Variants in GRAMD1A observed in about 807,000 individuals in gnomAD.
The protein encoded by GRAMD1A is protein Aster-A.
In GRAMD1A, 50 loss-of-function variants were observed where a neutral mutation model predicts 92.0. That is an observed-to-expected ratio of 0.54 (90% CI 0.43 to 0.69). The LOEUF (loss-of-function observed/expected upper bound fraction) is 0.69, where lower values mean the gene tolerates loss of function less well. GRAMD1A is among the 30% of genes least tolerant of loss of function. The probability of loss-of-function intolerance (pLI) is 0.00; values close to 1 mark genes in which losing one functional copy is unlikely to be tolerated. For missense variants in GRAMD1A, 819 were observed against 978.9 expected (o/e 0.84, Z 2.18); for synonymous variants, 405 against 403.6 (o/e 1.00, Z -0.04).
intron 10 of GRAMD1A, 143 bp downstream of exon 10, chr19:35,014,530 T>G: frequency 7.1e-6 from 5 of 708,516 alleles, no homozygotes; most frequent in Non-Finnish European, 7.4e-6. Flanking sequence ...TAGAAATCTC[T>G]GTCTTTACTC....
intron 3 of GRAMD1A, 25 bp from the exon 4 acceptor site, chr19:35,009,863 G>T: frequency 1.4e-6 from 2 of 1,446,664 alleles, no homozygotes; most frequent in Non-Finnish European, 1.9e-6. Flanking sequence ...CCCCATCCAG[G>T]TTCTCACCTC....
intron 11 of GRAMD1A, among the ~76,000 whole-genome samples, chr19:35,017,008 C>CA (rs2015686660): frequency 6.7e-6 from 1 of 149,310 alleles, no homozygotes; most frequent in African/African-American, 2.5e-5. Context: ...TCAGTCTTTA[C>CA]AAAAATAAAA....
At chr19:35,014,470 G>C in intron 10 of GRAMD1A, 83 bp downstream of exon 10, 1 of 1,191,514 alleles carries the variant, frequency 8.4e-7, no homozygotes, top group East Asian at 2.4e-5. Context: ...GGATTCGCCC[G>C]CAGCACTGAG....
At chr19:34,996,782 C>T (rs1332255156), upstream of GRAMD1A, among the ~76,000 whole-genome samples, 1 of 137,804 alleles carries the variant, frequency 7.3e-6, no homozygotes, top group African/African-American at 2.7e-5. Flanking sequence ...CCAGCCTGGG[C>T]GTCAGAGCAA....
At chr19:35,007,715 A>T (rs981807487) in intron 1 of GRAMD1A, among the ~76,000 whole-genome samples, 4 of 152,062 alleles carry the variant, frequency 2.6e-5, no homozygotes, top group Non-Finnish European at 5.9e-5. Flanking sequence ...AAAATTTTTT[A>T]AAAATAAAAA....
At chr19:35,019,933 G>A (rs181129462) in intron 13 of GRAMD1A, among the ~76,000 whole-genome samples, 4 of 152,330 alleles carry the variant, frequency 2.6e-5, no homozygotes, top group African/African-American at 4.8e-5. Context: ...TTTTACACCC[G>A]ACACGCTGGT....
chr19:35,026,174 G>C lies in GRAMD1A; in HGVS notation c.*33G>C, dbSNP rs1343344299. 2 of 1,067,226 alleles carry C rather than the reference G, an allele frequency of 1.9e-6. No individual in the cohort carries two copies. The highest frequency in any genetic ancestry group is 3.1e-5 in the African/African-American group (2 of 64,886). 66.1% of individuals were successfully genotyped at this position (1,067,226 alleles called of 1,614,324 possible). A position where few individuals can be genotyped will look rare whatever the true frequency, so the allele number is the denominator to read the frequency against. ...GGCCACGCAGCTGTTCCCCCACATG[G>C]ACAGATGGACACACAGAGCCTCGGC... On this transcript the variant is annotated 3_prime_UTR_variant, in exon 20 of 20. Coordinates refer to ENST00000317991, the MANE Select transcript of GRAMD1A (RefSeq NM_020895.5).
chr19:35,013,530 C>G lies in GRAMD1A; in HGVS notation c.720-11C>G. On this transcript the variant is annotated splice_polypyrimidine_tract_variant and intron_variant, in intron 8 of 19. Transcript: ENST00000317991. This position sits in a 1 kb window ranked among gnomAD's most constrained non-coding sequence, Gnocchi z 4.9. Reference sequence around the variant, plus strand: ...GGACACAGCAGTCCCGCTTCCTCCCCTTTCCCACAGGACCCCCAAGGAAGT... The same window carrying G: ...GGACACAGCAGTCCCGCTTCCTCCCGTTTCCCACAGGACCCCCAAGGAAGT... 1.3e-6 allele frequency: 2 copies of G among 1,595,470 alleles called. No individual in the cohort carries two copies. The highest frequency in any genetic ancestry group is 1.7e-6 in the Non-Finnish European group (2 of 1,168,020).
chr19:35,021,199 G>T lies in GRAMD1A; in HGVS notation c.1476-303G>T, dbSNP rs1280664449. ...GCAGCAGCCGAATGGAAGAGGTTCA[G>T]GGGCATGGTCTGGTTAAGACGTCAG... On this transcript the variant is annotated intron_variant, in intron 13 of 19. Transcript: ENST00000317991. The surrounding 1 kb of genome is among the most constrained non-coding windows in gnomAD (Gnocchi z 5.3). Among the ~76,000 whole-genome samples, 2 of 152,224 alleles carry T rather than the reference G, an allele frequency of 1.3e-5. No individual in the cohort carries two copies. The highest frequency in any genetic ancestry group is 2.4e-5 in the African/African-American group (1 of 41,446).
chr19:35,001,398 T>C (rs904817830), intron 1 of GRAMD1A, among the ~76,000 whole-genome samples: 30 of 152,146 alleles, frequency 2.0e-4, no homozygotes, highest in African/African-American at 5.8e-4. Flanking sequence ...TACATGTGTC[T>C]GGAGTTACCG....
At chr19:35,025,613 C>T (rs752335141) in intron 19 of GRAMD1A, among the ~76,000 whole-genome samples, 1 of 152,154 alleles carries the variant, frequency 6.6e-6, no homozygotes, top group South Asian at 2.1e-4. Context: ...AGGAGCTTGC[C>T]CGAGGTCACA....
chr19:35,014,927 C>T, intron 10 of GRAMD1A: 1 of 159,056 alleles, frequency 6.3e-6, no homozygotes, highest in South Asian at 1.7e-4. Flanking sequence ...AGCTACTTGG[C>T]AGACCAAGGC....
Position 35,013,832 on chromosome 19 carries a change from C to A in GRAMD1A, c.870+141C>A. On this transcript the variant is annotated intron_variant, in intron 9 of 19. Coordinates refer to ENST00000317991, the MANE Select transcript of GRAMD1A (RefSeq NM_020895.5). The surrounding 1 kb of genome is among the most constrained non-coding windows in gnomAD (Gnocchi z 4.9). ...GGGAGGCCTGGATGGAGGAACAGGACAGGGAGGGGAAGACGGACATGTGAC... is the reference window on the plus strand; with the variant it reads ...GGGAGGCCTGGATGGAGGAACAGGAAAGGGAGGGGAAGACGGACATGTGAC... The A allele has an allele frequency of 1.2e-6, 1 of 808,744 alleles. No homozygotes were observed. 50.1% of individuals were successfully genotyped at this position (808,744 alleles called of 1,614,324 possible).
chr19:35,003,439 G>C (rs1022074095), intron 1 of GRAMD1A, among the ~76,000 whole-genome samples: 1 of 152,074 alleles, frequency 6.6e-6, no homozygotes, highest in Non-Finnish European at 1.5e-5. Flanking sequence ...CCTTCACTCT[G>C]CCTTCAGCTA....
chr19:35,004,820 C>T (rs923439003), intron 1 of GRAMD1A, among the ~76,000 whole-genome samples: 1 of 152,176 alleles, frequency 6.6e-6, no homozygotes, highest in Non-Finnish European at 1.5e-5. Context: ...CGTAGTTAAA[C>T]CAGGTGCCCT....
intron 7 of GRAMD1A, among the ~76,000 whole-genome samples, chr19:35,012,568 A>C (rs2015317008): frequency 6.6e-6 from 1 of 152,248 alleles, no homozygotes; most frequent in Non-Finnish European, 1.5e-5. Context: ...TGGGAGACTC[A>C]GCCCTGGAGT....
At chr19:35,020,157 TG>T (rs2015945768) in intron 13 of GRAMD1A, among the ~76,000 whole-genome samples, 2 of 152,158 alleles carry the variant, frequency 1.3e-5, no homozygotes, top group African/African-American at 4.8e-5. Context: ...TTTGGGAGGC[TG>T]AGGCAGGAGT....
intron 1 of GRAMD1A, chr19:35,005,790 C>A: frequency 2.2e-6 from 1 of 447,926 alleles, no homozygotes. Context: ...ACAGTGACGG[C>A]CCAGAGTAGT....
At chr19:34,997,388 C>CAAAA (rs540666102), upstream of GRAMD1A, among the ~76,000 whole-genome samples, 30,281 of 112,914 alleles carry the variant, frequency 0.27, 3,685 homozygotes, top group Middle Eastern at 0.39. Flanking sequence ...GCCAAAAAAA[C>CAAAA]AAAAAAAAAA....
Sources: allele counts gnomAD v4.1 joint callset (sites outside exome capture counted in the v4.1 genomes callset), GRCh38; gene constraint gnomAD v4.1.1; non-coding constraint Gnocchi (gnomAD v3.1); transcripts MANE v1.5; gene names NCBI Gene and HGNC (gene_info 2026-07-23, HGNC 2026-07-21).